KIF15: variants seen among roughly 807,000 people sequenced by gnomAD.
KIF15 encodes the protein kinesin family member 15.
In KIF15, 140 loss-of-function variants were observed where a neutral mutation model predicts 190.6. The observed-to-expected ratio is 0.73, with a 90% CI of 0.64 to 0.84. The LOEUF is 0.84. KIF15 is among the 40% of genes least tolerant of loss of function. The pLI is 0.00. For missense variants in KIF15, 1,372 were observed against 1,584.4 expected, an observed-to-expected ratio of 0.87 and a Z score of 2.28; for synonymous variants, 528 against 551.3, an observed-to-expected ratio of 0.96 and a Z score of 0.59.
intron 20 of KIF15, among the ~76,000 whole-genome samples, chr3:44,820,846 G>A (rs1222760077): frequency 5.3e-5 from 8 of 152,290 alleles, no homozygotes; most frequent in South Asian, 2.1e-4. Context: ...ATCATGGCCC[G>A]TTCTCAATGA....
At chr3:44,822,518 T>C (rs1015143097) in intron 20 of KIF15, among the ~76,000 whole-genome samples, 1 of 152,178 alleles carries the variant, frequency 6.6e-6, no homozygotes, top group South Asian at 2.1e-4. Flanking sequence ...ATTTGTGGTA[T>C]TCTCTGTTTT....
At chr3:44,829,594 T>TA (rs1359767200) in intron 24 of KIF15, among the ~76,000 whole-genome samples, 2 of 123,466 alleles carry the variant, frequency 1.6e-5, no homozygotes, top group African/African-American at 6.9e-5. Flanking sequence ...ATATTATATA[T>TA]TATATATGCA....
At chr3:44,829,380 G>A (rs1697856586) in intron 24 of KIF15, among the ~76,000 whole-genome samples, 1 of 140,920 alleles carries the variant, frequency 7.1e-6, no homozygotes, top group South Asian at 2.1e-4. Context: ...ATATATGTGT[G>A]TGTGTGTGTG....
chr3:44,774,403 C>CG lies in KIF15; in HGVS notation c.29dup (p.Ser11GlnfsTer8). 6.2e-7 allele frequency: 1 copy of CG among 1,611,510 alleles called. No individual in the cohort carries two copies. Among genetic ancestry groups the CG allele is most frequent in the Non-Finnish European group, 8.5e-7 (1 of 1,178,834 alleles). Reference sequence around the variant, plus strand: ...ACTTTTTTTTTTTCTAGCTGAGTTACGCAGCGTGACAAATGGTCAGTCTAA... The same window carrying CG: ...ACTTTTTTTTTTTCTAGCTGAGTTACGGCAGCGTGACAAATGGTCAGTCTAA... On this transcript the variant is annotated frameshift_variant, in exon 2 of 35. Transcript: ENST00000326047. LOFTEE classifies it high-confidence loss of function.
At chr3:44,768,973 C>A (rs1262086887) in intron 1 of KIF15, among the ~76,000 whole-genome samples, 2 of 152,164 alleles carry the variant, frequency 1.3e-5, no homozygotes, top group South Asian at 2.1e-4. Context: ...CTGGTTTGCA[C>A]AGGGAGAGGG....
chr3:44,816,752 C>T (rs544493668), intron 20 of KIF15, among the ~76,000 whole-genome samples: 3 of 152,278 alleles, frequency 2.0e-5, no homozygotes, highest in Middle Eastern at 3.4e-3. Context: ...TGGGTATATA[C>T]CCAGTAATGG....
chr3:44,786,711 G>T lies in KIF15; in HGVS notation c.639+137G>T, dbSNP rs905122344. On this transcript the variant is annotated intron_variant, in intron 7 of 34. Coordinates refer to ENST00000326047, the MANE Select transcript of KIF15 (RefSeq NM_020242.3). Reference sequence around the variant, plus strand: ...ATACAGAATGTTCATGGGAAGTAAAGATAAAATAATATGGCAGTATTTTCT... The same window carrying T: ...ATACAGAATGTTCATGGGAAGTAAATATAAAATAATATGGCAGTATTTTCT... 3 of 621,998 alleles carry T rather than the reference G, an allele frequency of 4.8e-6. No individual in the cohort carries two copies. In the African/African-American group the frequency reaches 5.6e-5, roughly 12 times the overall value. The allele number at this position is 621,998 out of a possible 1,614,324, so 38.5% of individuals were successfully genotyped here.
Position 44,828,279 on chromosome 3 carries a change from A to C in KIF15, c.2922A>C (p.Glu974Asp). The C allele has an allele frequency of 6.2e-7, 1 of 1,612,502 alleles. No individual in the cohort carries two copies. The highest frequency in any genetic ancestry group is 8.5e-7 in the Non-Finnish European group (1 of 1,178,542). The change falls in exon 24 of 35, where the codon GAA (glutamate) becomes GAC (aspartate). Residue 974 changes from glutamate (E) to aspartate (D), a missense_variant. By Grantham distance (45) the Glu-to-Asp change is conservative. Coordinates refer to ENST00000326047, the MANE Select transcript of KIF15 (RefSeq NM_020242.3). ...CTGAAAAAGTGATCAGTTCCCTGGA[A>C]AAGTCTAGAGATTCTGATAAGGTTG... ...LATEKVISSL[E>D]KSRDSDKKVV...
At chr3:44,800,548 A>C in intron 11 of KIF15, 111 bp downstream of exon 11, 1 of 1,120,634 alleles carries the variant, frequency 8.9e-7, no homozygotes, top group South Asian at 1.6e-5. Context: ...TTCTGCAGGT[A>C]TCTCTTTCTG....
chr3:44,808,107 ATT>A (rs201148840), intron 16 of KIF15, among the ~76,000 whole-genome samples: 1 of 151,004 alleles, frequency 6.6e-6, no homozygotes, highest in Non-Finnish European at 1.5e-5. Flanking sequence ...CCTGACCAGA[ATT>A]TTTTTTTACT....
chr3:44,861,937 C>T lies in KIF15; in HGVS notation c.*59+9143C>T, dbSNP rs762452158. 4.9e-6 allele frequency: 7 copies of T among 1,420,852 alleles called. No homozygotes were observed. Among genetic ancestry groups the T allele is most frequent in the East Asian group, 6.0e-5 (2 of 33,204 alleles). The allele number at this position is 1,420,852 out of a possible 1,614,324, so 88.0% of individuals were successfully genotyped here. A position where few individuals can be genotyped will look rare whatever the true frequency, so the allele number is the denominator to read the frequency against. ...GTCAGCAGGCAACATGGCCGAGAGGCCGGGGCCTCCGGGCGGCGCCGTGTC... is the reference window on the plus strand; with the variant it reads ...GTCAGCAGGCAACATGGCCGAGAGGTCGGGGCCTCCGGGCGGCGCCGTGTC... On this transcript the variant is annotated intron_variant and NMD_transcript_variant, in intron 6 of 6. Transcript: ENST00000422209.
chr3:44,840,417 A>G lies in KIF15; in HGVS notation c.3381A>G (p.Gln1127=), dbSNP rs76526953. The change falls in exon 28 of 35, where the codon CAA becomes CAG. Residue 1127 remains glutamine (Q), a synonymous_variant. Transcript: ENST00000326047. ...KKNEYNFKMR[Q]LEHVMDSAAE... ...ATGAATATAACTTCAAAATGAGGCAACTAGAACATGTGATGGATTCTGCTG... is the reference window on the plus strand; with the variant it reads ...ATGAATATAACTTCAAAATGAGGCAGCTAGAACATGTGATGGATTCTGCTG... 0.05 allele frequency: 81,058 copies of G among 1,608,622 alleles called. 2,204 individuals are homozygous for G. The highest frequency in any genetic ancestry group is 0.084 in the Middle Eastern group (504 of 6,034).
At position 44,797,556 on chromosome 3, in the gene KIF15, A is replaced by G. The variant is rs974932061; in HGVS notation, c.855A>G (p.Ala285=). The G allele has an allele frequency of 6.2e-7, 1 of 1,613,654 alleles. No individual in the cohort carries two copies. The highest frequency in any genetic ancestry group is 1.3e-5 in the African/African-American group (1 of 75,026). Residue 285 remains alanine (A), a synonymous_variant, in exon 9 of 35, where the codon GCA becomes GCG. Coordinates refer to ENST00000326047, the MANE Select transcript of KIF15 (RefSeq NM_020242.3). ...CTTTTCCGTCAACACTTTAGGAAGC[A>G]GGTAACATAAATCGATCATTGAGCT... ...THAEGMRLKE[A]GNINRSLSCL...
At chr3:44,846,772 A>C (rs891691279) in intron 30 of KIF15, among the ~76,000 whole-genome samples, 2 of 98,652 alleles carry the variant, frequency 2.0e-5, no homozygotes, top group African/African-American at 7.5e-5. Flanking sequence ...ACTCTGTCTC[A>C]AAAAAAAAAA....
chr3:44,865,423 CAGTG>C, intron 6 of KIF15: 1 of 502,942 alleles, frequency 2.0e-6, no homozygotes, highest in South Asian at 3.6e-5. Context: ...AGGCCTACCC[CAGTG>C]AGCCTTCGCA....
intron 6 of KIF15, among the ~76,000 whole-genome samples, chr3:44,785,598 A>G (rs1706365690): frequency 6.6e-6 from 1 of 152,250 alleles, no homozygotes; most frequent in Non-Finnish European, 1.5e-5. Flanking sequence ...ACATTGGTTT[A>G]CCATTTACTC....
At chr3:44,803,064 G>T in intron 14 of KIF15, 73 bp downstream of exon 14, 1 of 1,357,750 alleles carries the variant, frequency 7.4e-7, no homozygotes, top group Admixed American at 2.5e-5. Context: ...AGTGCCTTGT[G>T]ACTAGGGTCT....
rs1707396225 is a variant in KIF15, at chr3:44,804,254, A to G, written c.1688-773A>G. 2.0e-5 allele frequency among the ~76,000 whole-genome samples: 3 copies of G among 152,168 alleles called. No individual in the cohort carries two copies. The South Asian group carries it at 6.2e-4, about 32-fold the overall frequency. On this transcript the variant is annotated intron_variant, in intron 14 of 34. Transcript: ENST00000326047. ...CCTTGACTTACTCCCTTCAGAAGAT[A>G]CTAATGTCTGGATCTCATCAGTTTC...
rs56414094 is a variant in KIF15, at chr3:44,790,695, C to CT, written c.640-3500dup. ...CGTTTTCCCATCAGTTTTTCTGTTT[C>CT]TTTTTTTTTTTTTTTTTTTTTTGAG... On this transcript the variant is annotated intron_variant, in intron 7 of 34. Transcript: ENST00000326047. 5.0e-3 allele frequency among the ~76,000 whole-genome samples: 491 copies of CT among 97,914 alleles called. 4 individuals carry two copies. Among genetic ancestry groups the CT allele is most frequent in the East Asian group, 0.017 (50 of 2,888 alleles). 64.2% of individuals were successfully genotyped at this position (97,914 alleles called of 152,430 possible). A position where few individuals can be genotyped will look rare whatever the true frequency, so the allele number is the denominator to read the frequency against.
Sources: gnomAD v4.1 joint callset for allele counts (sites outside exome capture counted in the v4.1 genomes callset) on GRCh38, gnomAD v4.1.1 for gene constraint, MANE v1.5 for transcripts, NCBI Gene and HGNC (gene_info 2026-07-23, HGNC 2026-07-21) for gene names.